The following AKAP3 variants were observed in gnomAD, a reference collection of about 807,000 sequenced individuals.
AKAP3 encodes A-kinase anchoring protein 3.
AKAP3 carries 27 observed loss-of-function variants against 57.2 expected under a neutral mutation model. That is an observed-to-expected ratio of 0.47 (90% CI 0.35 to 0.65). The LOEUF is 0.65. Ranked by LOEUF, AKAP3 falls within the 30% of genes least tolerant of loss-of-function variation. The probability of loss-of-function intolerance (pLI) is 0.01; values close to 1 mark genes in which losing one functional copy is unlikely to be tolerated. For synonymous variants in AKAP3, 334 were observed against 392.3 expected (o/e 0.85, Z 1.76); for missense variants, 959 against 1,040.0 (o/e 0.92, Z 1.07).
chr12:4,634,956 T>C (rs565533796), intron 4 of AKAP3, among the ~76,000 whole-genome samples: 1 of 152,324 alleles, frequency 6.6e-6, no homozygotes, highest in African/African-American at 2.4e-5. Flanking sequence ...AAAGAATGTT[T>C]TTTGAAAAGC....
At chr12:4,617,033 C>T (rs1022395428) in intron 5 of AKAP3, among the ~76,000 whole-genome samples, 3 of 152,032 alleles carry the variant, frequency 2.0e-5, no homozygotes, top group Non-Finnish European at 4.4e-5. Flanking sequence ...ACTCCAAGAC[C>T]TACCATAACT....
At position 4,642,567 on chromosome 12, in the gene AKAP3, GCTCT is replaced by G. The variant is rs374228846; in HGVS notation, c.-106-567_-106-564del. On this transcript the variant is annotated intron_variant, in intron 2 of 5. Coordinates refer to ENST00000228850, the MANE Select transcript of AKAP3 (RefSeq NM_001278309.2). ...ATATCCACCCAGCCCCCCAGTAATG[GCTCT>G]CTAAATTCTACCCTTACTTTTTAGC... Among the ~76,000 whole-genome samples, 25 of 152,216 alleles carry G rather than the reference GCTCT, an allele frequency of 1.6e-4. No homozygotes were observed. The East Asian group carries it at 1.9e-3, about 12-fold the overall frequency.
intron 5 of AKAP3, 78 bp from the exon 6 acceptor site, chr12:4,615,972 C>G: frequency 6.4e-7 from 1 of 1,559,126 alleles, no homozygotes; most frequent in East Asian, 2.3e-5. Context: ...AAGGCTGGAG[C>G]AGAGAGGCCA....
chr12:4,621,782 T>A (rs2137426896), intron 5 of AKAP3, among the ~76,000 whole-genome samples: 1 of 152,272 alleles, frequency 6.6e-6, no homozygotes, highest in East Asian at 1.9e-4. Flanking sequence ...AAAGTTTTGC[T>A]AATATCGTAA....
chr12:4,645,646 G>C (rs1408817196), intron 1 of AKAP3: 1 of 152,032 alleles, frequency 6.6e-6, no homozygotes, highest in Non-Finnish European at 1.5e-5. Context: ...CCACAATAGG[G>C]TTCAAGCTCC....
At chr12:4,646,498 C>T (rs902787535) in intron 1 of AKAP3, among the ~76,000 whole-genome samples, 2 of 151,990 alleles carry the variant, frequency 1.3e-5, no homozygotes, top group Non-Finnish European at 2.9e-5. Context: ...TGGCAGAACC[C>T]TGTCTCTACT....
intron 5 of AKAP3, among the ~76,000 whole-genome samples, chr12:4,617,603 A>G (rs1184684673): frequency 6.6e-6 from 1 of 152,112 alleles, no homozygotes; most frequent in African/African-American, 2.4e-5. Context: ...AAATACGAAA[A>G]TAACTGGGTG....
In AKAP3 at chr12:4,627,057, G is replaced by C. The variant is rs749917515; in HGVS notation, c.1845C>G (p.Pro615=). ...TIFKRDQSPE[P]KVPEQPVKED... is the part of the protein sequence containing the mutation. ...CCTTAACTGGCTGTTCCGGCACCTTGGGTTCAGGGCTCTGGTCACGCTTGA... is the reference window on the plus strand; with the variant it reads ...CCTTAACTGGCTGTTCCGGCACCTTCGGTTCAGGGCTCTGGTCACGCTTGA... Residue 615 remains proline (P), a synonymous_variant, in exon 5 of 6, where the codon CCC becomes CCG. Transcript: ENST00000228850. The C allele has an allele frequency of 1.2e-6, 2 of 1,613,974 alleles. No homozygotes were observed. Among genetic ancestry groups the C allele is most frequent in the East Asian group, 4.5e-5 (2 of 44,884 alleles).
At chr12:4,617,138 CTCA>C (rs1945295092) in intron 5 of AKAP3, among the ~76,000 whole-genome samples, 1 of 152,176 alleles carries the variant, frequency 6.6e-6, no homozygotes, top group Non-Finnish European at 1.5e-5. Flanking sequence ...CAGCCAATTT[CTCA>C]TCAGAAACCA....
At chr12:4,632,228 G>T (rs1006695165) in intron 4 of AKAP3, among the ~76,000 whole-genome samples, 3 of 134,404 alleles carry the variant, frequency 2.2e-5, no homozygotes, top group Non-Finnish European at 5.0e-5. Flanking sequence ...TTATAAAGAG[G>T]CTACCTCTTT....
chr12:4,618,054 A>G (rs1178188797), intron 5 of AKAP3, among the ~76,000 whole-genome samples: 1 of 152,358 alleles, frequency 6.6e-6, no homozygotes, highest in Non-Finnish European at 1.5e-5. Flanking sequence ...ATGTTCAAAT[A>G]GTCCAAGAGA....
At position 4,628,766 on chromosome 12, in the gene AKAP3, G is replaced by A. The variant is rs780767094; in HGVS notation, c.136C>T (p.Arg46Cys). ...GCTGTACTCTTCTCCAGGTCTCTGC[G>A]GAGCCAGCTGAGCACTCTGACAGGA... ...TDPVRVLSWL[R>C]RDLEKSTAEF... Residue 46 changes from arginine to cysteine, a missense_variant, in exon 5 of 6, where the codon CGC becomes TGC. Physicochemically the swap from Arg to Cys is radical, Grantham distance 180. Transcript: ENST00000228850. 5.0e-6 allele frequency: 8 copies of A among 1,612,900 alleles called. No homozygotes were observed. In the African/African-American group the frequency reaches 5.3e-5, roughly 11 times the overall value.
chr12:4,625,692 T>TGAGAGTGAGA lies in AKAP3; in HGVS notation c.2406+803_2406+804insTCTCACTCTC, dbSNP rs1555126830. ...ATCAAAAGCACTGAGGAAGAGAAAA[T>TGAGAGTGAGA]GAGAGAGAGAGAGAGAGAGAGAGAG... On this transcript the variant is annotated intron_variant, in intron 5 of 5. Transcript: ENST00000228850. The surrounding 1 kb of genome is among the most constrained non-coding windows in gnomAD (Gnocchi z 5.4). Among the ~76,000 whole-genome samples, 2 of 146,392 alleles carry TGAGAGTGAGA rather than the reference T, an allele frequency of 1.4e-5. No homozygotes were observed. The highest frequency in any genetic ancestry group is 3.0e-5 in the Non-Finnish European group (2 of 66,142).
chr12:4,632,765 C>T (rs937681766), intron 4 of AKAP3, among the ~76,000 whole-genome samples: 2 of 152,094 alleles, frequency 1.3e-5, no homozygotes, highest in Non-Finnish European at 2.9e-5. Context: ...CTCAGCCTCC[C>T]GAGTAGCTGG....
At chr12:4,624,824 G>GTGTGTGTGTGTATATATA (rs143324716) in intron 5 of AKAP3, among the ~76,000 whole-genome samples, 2 of 140,996 alleles carry the variant, frequency 1.4e-5, no homozygotes, top group African/African-American at 5.2e-5. Flanking sequence ...GTGTGTGTGT[G>GTGTGTGTGTGTATATATA]TATATAAAAG....
intron 4 of AKAP3, among the ~76,000 whole-genome samples, chr12:4,632,733 C>T (rs903688988): frequency 5.3e-5 from 8 of 152,144 alleles, no homozygotes; most frequent in African/African-American, 9.7e-5. Flanking sequence ...CTCTGCCTCC[C>T]GAGTTCATGA....
At chr12:4,630,057 G>A (rs917429753) in intron 4 of AKAP3, among the ~76,000 whole-genome samples, 1 of 152,040 alleles carries the variant, frequency 6.6e-6, no homozygotes, top group African/African-American at 2.4e-5. Flanking sequence ...ATATATGAAA[G>A]TCTCCTATTT....
At chr12:4,635,287 T>C (rs944197095) in intron 4 of AKAP3, 1 of 357,452 alleles carries the variant, frequency 2.8e-6, no homozygotes, top group African/African-American at 2.2e-5. Context: ...TCCAATTCCA[T>C]TGTTATTAAC....
At position 4,626,501 on chromosome 12, in the gene AKAP3, C is replaced by G. The variant is rs1945412977; in HGVS notation, c.2401G>C (p.Glu801Gln). 1 of 1,613,292 alleles carries G rather than the reference C, an allele frequency of 6.2e-7. No individual in the cohort carries two copies. Among genetic ancestry groups the G allele is most frequent in the Non-Finnish European group, 8.5e-7 (1 of 1,179,502 alleles). Reference protein sequence around the residue: ...YFAGDDEGIQEKLLQLSAAAV... With the variant: ...YFAGDDEGIQQKLLQLSAAAV... ...CCTCTGCCTTTGTTTCTTACCTTCT[C>G]CTGGATCCCTTCATCATCACCAGCA... is the stretch of plus-strand genomic sequence containing the variant. The change falls in exon 5 of 6, where the codon GAG becomes CAG. Residue 801 changes from glutamate to glutamine, a missense_variant. Transcript: ENST00000228850.
Sources: gnomAD v4.1 joint callset for allele counts (sites outside exome capture counted in the v4.1 genomes callset) on GRCh38, gnomAD v4.1.1 for gene constraint, Gnocchi (gnomAD v3.1) non-coding constraint, MANE v1.5 for transcripts, NCBI Gene and HGNC (gene_info 2026-07-23, HGNC 2026-07-21) for gene names.